Variants in ECPAS observed in about 807,000 individuals in gnomAD.
The protein encoded by ECPAS is proteasome adapter and scaffold protein ECM29.
Under a neutral mutation model 255.1 loss-of-function variants are expected in ECPAS, and 70 were observed. That is an observed-to-expected ratio of 0.27 (90% CI 0.23 to 0.33). The LOEUF (loss-of-function observed/expected upper bound fraction) is 0.33, where lower values mean the gene tolerates loss of function less well. ECPAS is among the 10% of genes least tolerant of loss of function. ECPAS has a pLI of 1.00. For synonymous variants in ECPAS, 784 were observed against 775.0 expected, an observed-to-expected ratio of 1.01 and a Z score of -0.19; for missense variants, 1,817 against 2,206.4, an observed-to-expected ratio of 0.82 and a Z score of 3.54.
chr9:111,424,552 T>C (rs1025056693), intron 12 of ECPAS, among the ~76,000 whole-genome samples: 3 of 84,752 alleles, frequency 3.5e-5, no homozygotes, highest in Admixed American at 1.4e-4. Context: ...GGAGATATTA[T>C]AGTAAGAGAA....
chr9:111,469,406 C>A (rs527448137), intron 2 of ECPAS, among the ~76,000 whole-genome samples: 1 of 151,708 alleles, frequency 6.6e-6, no homozygotes, highest in African/African-American at 2.4e-5. Context: ...TGGTGACGGG[C>A]GCCTGCAATC....
At position 111,373,215 on chromosome 9, in the gene ECPAS, C is replaced by T; in HGVS notation, c.4291G>A (p.Glu1431Lys). The T allele has an allele frequency of 6.2e-7, 1 of 1,613,836 alleles. No homozygotes were observed. The highest frequency in any genetic ancestry group is 2.2e-5 in the East Asian group (1 of 44,868). The change falls in exon 41 of 50, where the codon GAA becomes AAA. Residue 1431 changes from glutamate to lysine, a missense_variant. By Grantham distance (56) the Glu-to-Lys change is moderately conservative. Coordinates refer to ENST00000684092, the MANE Select transcript of ECPAS (RefSeq NM_001364929.1). ...CCATTGAGCTTCTGCAGGAGTTTTT[C>T]AGTGCTGCTATCCCGTGAGGTCTGA... ...LVRTSRDSSTEKLLQKLNGWY... is the reference protein window; with the variant it reads ...LVRTSRDSSTKKLLQKLNGWY...
intron 30 of ECPAS, 110 bp from the exon 31 acceptor site, chr9:111,389,833 C>T (rs777482856): frequency 2.4e-6 from 3 of 1,249,482 alleles, no homozygotes; most frequent in Non-Finnish European, 3.3e-6. Flanking sequence ...ATTTATTGGT[C>T]TTTCCAATCA....
At chr9:111,406,749 A>C (rs1430252634) in intron 24 of ECPAS, among the ~76,000 whole-genome samples, 2 of 149,138 alleles carry the variant, frequency 1.3e-5, no homozygotes, top group Admixed American at 1.3e-4. Flanking sequence ...ATAAAAAATT[A>C]AAATATTAGC....
chr9:111,445,790 T>C (rs911601208), intron 3 of ECPAS, among the ~76,000 whole-genome samples: 5 of 152,126 alleles, frequency 3.3e-5, no homozygotes, highest in Admixed American at 1.3e-4. Flanking sequence ...ATTCATCATC[T>C]ACATTAGGTA....
chr9:111,410,875 T>G, intron 22 of ECPAS, 105 bp downstream of exon 22: 1 of 1,183,640 alleles, frequency 8.4e-7, no homozygotes, highest in East Asian at 2.3e-5. Context: ...AAAAAGCTTG[T>G]GTCTTTTCAA....
intron 12 of ECPAS, among the ~76,000 whole-genome samples, 181 bp downstream of exon 12, chr9:111,425,237 T>C (rs2098219782): frequency 6.6e-6 from 1 of 151,994 alleles, no homozygotes; most frequent in Non-Finnish European, 1.5e-5. Context: ...TAACAGTTAT[T>C]TCCCCCCAAA....
chr9:111,438,007 C>T (rs2098240522), intron 6 of ECPAS, among the ~76,000 whole-genome samples: 4 of 152,080 alleles, frequency 2.6e-5, no homozygotes, highest in African/African-American at 9.7e-5. Context: ...GTAAGTTATT[C>T]CACATTACTT....
chr9:111,455,187 T>G (rs910537680), intron 2 of ECPAS, among the ~76,000 whole-genome samples: 15 of 152,126 alleles, frequency 9.9e-5, no homozygotes, highest in Admixed American at 8.5e-4. Context: ...CTGCTACCTG[T>G]AGAAACACTT....
At chr9:111,395,606 G>A (rs1013752229) in intron 25 of ECPAS, among the ~76,000 whole-genome samples, 6 of 152,118 alleles carry the variant, frequency 3.9e-5, no homozygotes, top group African/African-American at 2.4e-5. Context: ...GGCAATACAA[G>A]AGTTCAGAGG....
At chr9:111,412,402 C>T (rs1279494457) in intron 20 of ECPAS, among the ~76,000 whole-genome samples, 1 of 152,148 alleles carries the variant, frequency 6.6e-6, no homozygotes, top group African/African-American at 2.4e-5. Flanking sequence ...CAGCAAACTT[C>T]TGTAAAAAAA....
intron 3 of ECPAS, among the ~76,000 whole-genome samples, chr9:111,448,306 T>C (rs968980834): frequency 1.3e-5 from 2 of 152,064 alleles, no homozygotes; most frequent in Admixed American, 1.3e-4. Context: ...AGGTTAAAAT[T>C]GCAGGCTGGG....
chr9:111,481,677 G>C (rs1293158777), intron 1 of ECPAS, among the ~76,000 whole-genome samples: 1 of 152,184 alleles, frequency 6.6e-6, no homozygotes, highest in Non-Finnish European at 1.5e-5. Flanking sequence ...ATTCCCAATA[G>C]CTAAAATGTG....
intron 12 of ECPAS, among the ~76,000 whole-genome samples, chr9:111,424,737 G>A (rs1451858695): frequency 6.6e-6 from 1 of 152,192 alleles, no homozygotes; most frequent in Non-Finnish European, 1.5e-5. Context: ...CTTAGCCCCT[G>A]AGAATTAACA....
At position 111,386,406 on chromosome 9, in the gene ECPAS, T is replaced by C. The variant is rs756994650; in HGVS notation, c.3498A>G (p.Thr1166=). 26 of 1,603,396 alleles carry C rather than the reference T, an allele frequency of 1.6e-5. No individual in the cohort carries two copies. Among genetic ancestry groups the C allele is most frequent in the Non-Finnish European group, 2.0e-5 (24 of 1,171,466 alleles). The stretch of plus-strand genomic sequence containing the variant: ...ATTCTCGAACTCGCCACATATTGCT[T>C]GTAAGGTTCTTAACCAAATCTTGAA... ...EILQDLVKNL[T]SNMWRVRESS... The change falls in exon 32 of 50, where the codon ACA becomes ACG. Residue 1166 remains threonine (T), a synonymous_variant. Transcript: ENST00000684092.
At chr9:111,427,906 T>G (rs1281120511) in intron 10 of ECPAS, 136 bp downstream of exon 10, 1 of 650,022 alleles carries the variant, frequency 1.5e-6, no homozygotes, top group Admixed American at 4.1e-5. Context: ...AAATTTAAGA[T>G]AGAAAAAAAG....
intron 4 of ECPAS, among the ~76,000 whole-genome samples, chr9:111,443,527 G>T (rs559984074): frequency 6.8e-6 from 1 of 146,568 alleles, no homozygotes; most frequent in East Asian, 2.2e-4. Context: ...GGGATTACAG[G>T]TATGAGCCGA....
chr9:111,477,118 CTTTTTTTTG>C (rs2098297249), intron 1 of ECPAS, among the ~76,000 whole-genome samples: 1 of 148,216 alleles, frequency 6.7e-6, no homozygotes, highest in South Asian at 2.2e-4. Flanking sequence ...TCTTTTTTTT[CTTTTTTTTG>C]AGATGGAGTC....
At chr9:111,461,893 C>T (rs575605212) in intron 2 of ECPAS, among the ~76,000 whole-genome samples, 9 of 152,294 alleles carry the variant, frequency 5.9e-5, no homozygotes, top group African/African-American at 2.2e-4. Flanking sequence ...ACAGCTTGTA[C>T]AGGCAAACTC....
Sources: allele counts gnomAD v4.1 joint callset (sites outside exome capture counted in the v4.1 genomes callset), GRCh38; gene constraint gnomAD v4.1.1; transcripts MANE v1.5; gene names NCBI Gene and HGNC (gene_info 2026-07-23, HGNC 2026-07-21).